Variants in SV2C observed in about 807,000 individuals in gnomAD.
The protein encoded by SV2C is synaptic vesicle glycoprotein 2C, also known as solute carrier family 22 member B3.
In SV2C, 49 loss-of-function variants were observed where a neutral mutation model predicts 79.7. The observed-to-expected ratio is 0.61, with a 90% CI of 0.49 to 0.78. The LOEUF (loss-of-function observed/expected upper bound fraction) is 0.78. Among genes scored for constraint, SV2C ranks in the 30% least tolerant of loss-of-function variants. SV2C has a pLI of 0.00. For missense variants in SV2C, 833 were observed against 912.9 expected, an observed-to-expected ratio of 0.91 and a Z score of 1.13; for synonymous variants, 334 against 333.2, an observed-to-expected ratio of 1.00 and a Z score of -0.03.
At chr5:76,174,978 G>A (rs972931044) in intron 2 of SV2C, among the ~76,000 whole-genome samples, 7 of 152,188 alleles carry the variant, frequency 4.6e-5, no homozygotes, top group Admixed American at 1.3e-4. Flanking sequence ...GCTGGCACCC[G>A]TGAGCCTGGC....
chr5:76,146,711 G>A (rs1219335043), intron 2 of SV2C, among the ~76,000 whole-genome samples: 5 of 146,684 alleles, frequency 3.4e-5, no homozygotes, highest in African/African-American at 1.0e-4. Flanking sequence ...ATTCAAGACC[G>A]AGTTGCTCTG....
intron 1 of SV2C, among the ~76,000 whole-genome samples, chr5:76,120,665 A>AT (rs1237174338): frequency 6.7e-6 from 1 of 148,888 alleles, no homozygotes; most frequent in Non-Finnish European, 1.5e-5. Context: ...ATGATTTCCA[A>AT]TTTCATCCAT....
At chr5:75,896,592 C>G in the SV2C span, among the ~76,000 whole-genome samples, 2 of 151,904 alleles carry the variant, frequency 1.3e-5, no homozygotes, top group Non-Finnish European at 2.9e-5. Context: ...AATGGGATGG[C>G]TGGATCAAAT....
intron 1 of SV2C, among the ~76,000 whole-genome samples, chr5:76,130,763 C>G (rs1022919883): frequency 1.5e-4 from 23 of 152,014 alleles, no homozygotes; most frequent in Admixed American, 5.9e-4. Context: ...GACTTTACTA[C>G]CAAAACAGCA....
Position 76,329,786 on chromosome 5 carries a change from C to G in SV2C, c.*4239C>G, listed in dbSNP as rs1200758653. The G allele has an allele frequency of 6.6e-6, 1 of 152,162 alleles. No individual in the cohort carries two copies. Among genetic ancestry groups the G allele is most frequent in the Non-Finnish European group, 1.5e-5 (1 of 68,034 alleles). The allele number at this position is 152,162 out of a possible 1,614,324, so 9.4% of individuals were successfully genotyped here. ...GTAATATACCTGATCTGTTCATGCA[C>G]TAAAGGCTCTGGAGCCAGGAATGTC... is the stretch of plus-strand genomic sequence containing the variant. On this transcript the variant is annotated 3_prime_UTR_variant, in exon 13 of 13. Transcript: ENST00000502798.
At chr5:76,177,890 C>G (rs1743591823) in intron 2 of SV2C, among the ~76,000 whole-genome samples, 1 of 152,034 alleles carries the variant, frequency 6.6e-6, no homozygotes. Flanking sequence ...TCTAAAATAC[C>G]AGTTCCTCTT....
At position 76,237,438 on chromosome 5, in the gene SV2C, C is replaced by T. The variant is rs536016588; in HGVS notation, c.913+27551C>T. ...CATTTTTTTACTGAAGACATTTCTC[C>T]GAGAGTTCTTGGTCCTTCCGTTTCT... On this transcript the variant is annotated intron_variant, in intron 4 of 12. Coordinates refer to ENST00000502798, the MANE Select transcript of SV2C (RefSeq NM_014979.4). Among the ~76,000 whole-genome samples the T allele has an allele frequency of 2.1e-4, 32 of 152,206 alleles. No individual in the cohort carries two copies. The South Asian group carries it at 6.0e-3, about 29-fold the overall frequency.
chr5:75,989,402 T>TGTTA, the SV2C span, among the ~76,000 whole-genome samples: 3 of 152,044 alleles, frequency 2.0e-5, no homozygotes, highest in East Asian at 1.9e-4. Flanking sequence ...TCTGTTCCTG[T>TGTTA]GTTAGTTTGC....
the SV2C span, among the ~76,000 whole-genome samples, chr5:75,853,285 G>C: frequency 7.9e-5 from 12 of 151,942 alleles, no homozygotes; most frequent in Non-Finnish European, 1.3e-4. Context: ...GGCCGGGCGC[G>C]GTGGCTCACG....
the SV2C span, among the ~76,000 whole-genome samples, chr5:75,949,834 A>T: frequency 6.6e-6 from 1 of 152,034 alleles, no homozygotes; most frequent in African/African-American, 2.4e-5. Flanking sequence ...ACAGATGGTG[A>T]TAACTGAACC....
At chr5:75,938,128 T>C in the SV2C span, among the ~76,000 whole-genome samples, 60 of 152,260 alleles carry the variant, frequency 3.9e-4, no homozygotes, top group African/African-American at 1.4e-3. Context: ...ACATAATGAT[T>C]TGTGGACTGG....
At chr5:75,879,022 T>C in the SV2C span, among the ~76,000 whole-genome samples, 2 of 152,096 alleles carry the variant, frequency 1.3e-5, no homozygotes, top group African/African-American at 4.8e-5. Flanking sequence ...ATGGTGGATG[T>C]GTCACTTTTA....
chr5:75,961,084 AGT>A, the SV2C span, among the ~76,000 whole-genome samples: 1 of 152,030 alleles, frequency 6.6e-6, no homozygotes, highest in African/African-American at 2.4e-5. Context: ...TTATACATTA[AGT>A]GATCAGATCT....
intron 2 of SV2C, among the ~76,000 whole-genome samples, chr5:76,138,745 T>C (rs1270114689): frequency 1.3e-5 from 2 of 152,150 alleles, no homozygotes; most frequent in Non-Finnish European, 2.9e-5. Context: ...CAAATATTTG[T>C]TGAATGAATG....
chr5:75,881,108 G>A, the SV2C span, among the ~76,000 whole-genome samples: 41 of 152,192 alleles, frequency 2.7e-4, 1 homozygote, highest in East Asian at 5.0e-3. Flanking sequence ...AGGGGATGCC[G>A]CTAAGCCATT....
chr5:76,259,408 G>A (rs1170581418), intron 4 of SV2C, among the ~76,000 whole-genome samples: 1 of 152,128 alleles, frequency 6.6e-6, no homozygotes. Flanking sequence ...GACTAATGGT[G>A]TTGATCAATG....
intron 12 of SV2C, among the ~76,000 whole-genome samples, chr5:76,340,205 A>AT (rs1749414773): frequency 6.6e-6 from 1 of 152,214 alleles, no homozygotes; most frequent in Admixed American, 6.5e-5. Context: ...AGTTACAGGA[A>AT]TTGTCCACCC....
At position 76,341,033 on chromosome 5, in the gene SV2C, C is replaced by T. The variant is rs932394499; in HGVS notation, c.2001-12097C>T. Among the ~76,000 whole-genome samples the T allele has an allele frequency of 5.3e-5, 8 of 150,404 alleles. No homozygotes were observed. In the East Asian group the frequency reaches 5.9e-4, roughly 11 times the overall value. ...GCATCTTCTGCCTCCCAGGTTCAAG[C>T]GATTCTCCTGCCTCAGCCTCCCGAG... On this transcript the variant is annotated intron_variant, in intron 12 of 12. Coordinates refer to the SV2C transcript ENST00000322285.
intron 2 of SV2C, among the ~76,000 whole-genome samples, chr5:76,166,247 T>TC: frequency 6.6e-6 from 1 of 152,192 alleles, no homozygotes; most frequent in Non-Finnish European, 1.5e-5. Context: ...CACAGTAGCT[T>TC]CCACAACCCT....
Sources: allele counts gnomAD v4.1 joint callset (sites outside exome capture counted in the v4.1 genomes callset), GRCh38; gene constraint gnomAD v4.1.1; transcripts MANE v1.5; gene names NCBI Gene and HGNC (gene_info 2026-07-23, HGNC 2026-07-21).